The following PLXNA2 variants were observed in gnomAD, a reference collection of about 807,000 sequenced individuals.
PLXNA2 encodes the protein plexin-A2.
PLXNA2 carries 91 observed loss-of-function variants against 193.5 expected under a neutral mutation model. The observed-to-expected ratio is 0.47, with a 90% confidence interval of 0.40 to 0.56. PLXNA2 has a LOEUF of 0.56. Ranked by LOEUF, PLXNA2 falls within the 20% of genes least tolerant of loss-of-function variation. The pLI is 0.00. For synonymous variants in PLXNA2, 997 were observed against 1,027.3 expected, an observed-to-expected ratio of 0.97 and a Z score of 0.56; for missense variants, 1,995 against 2,503.2, an observed-to-expected ratio of 0.80 and a Z score of 4.33.
At chr1:208,032,533 T>G (rs1664534857) in intron 28 of PLXNA2, among the ~76,000 whole-genome samples, 1 of 152,238 alleles carries the variant, frequency 6.6e-6, no homozygotes, top group Non-Finnish European at 1.5e-5. Context: ...GTAAGTTGGA[T>G]GCCACTGTAT....
intron 3 of PLXNA2, among the ~76,000 whole-genome samples, chr1:208,167,727 G>A (rs754916253): frequency 1.8e-4 from 27 of 152,210 alleles, no homozygotes; most frequent in Non-Finnish European, 2.9e-4. Context: ...GCAGCAGCCC[G>A]CACGTGGTGC....
In PLXNA2 at chr1:208,023,921, G is replaced by T. The variant is rs530042208; in HGVS notation, c.*3322C>A. ...TCCATGCTTTTAATGACTGAACTCT[G>T]TAAAGAGGGGAACCCTCTGCCAATG... On this transcript the variant is annotated 3_prime_UTR_variant, in exon 32 of 32. Coordinates refer to ENST00000367033, the MANE Select transcript of PLXNA2 (RefSeq NM_025179.4). 3.3e-5 allele frequency: 5 copies of T among 152,370 alleles called. No homozygotes were observed. The highest frequency in any genetic ancestry group is 1.2e-4 in the African/African-American group (5 of 41,562). 9.4% of individuals were successfully genotyped at this position (152,370 alleles called of 1,614,324 possible).
intron 22 of PLXNA2, 84 bp from the exon 23 acceptor site, chr1:208,040,142 A>G (rs1294645839): frequency 1.4e-5 from 16 of 1,108,216 alleles, no homozygotes; most frequent in Non-Finnish European, 2.1e-5. Flanking sequence ...AGGTCTCCCA[A>G]GAGAACAATG....
At chr1:208,157,967 A>G (rs1271320631) in intron 3 of PLXNA2, among the ~76,000 whole-genome samples, 1 of 152,194 alleles carries the variant, frequency 6.6e-6, no homozygotes, top group African/African-American at 2.4e-5. Context: ...CAAGCTTTCC[A>G]CACCATCCTT....
At chr1:208,059,494 G>A (rs923721706) in intron 13 of PLXNA2, among the ~76,000 whole-genome samples, 4 of 152,180 alleles carry the variant, frequency 2.6e-5, no homozygotes, top group Non-Finnish European at 4.4e-5. Context: ...TGGGCCCTGC[G>A]AGAATCACGG....
intron 3 of PLXNA2, among the ~76,000 whole-genome samples, chr1:208,181,727 G>A (rs1022435572): frequency 3.3e-5 from 5 of 152,212 alleles, no homozygotes; most frequent in East Asian, 1.9e-4. Flanking sequence ...AGACCAGGCC[G>A]TTGTGGGCCC....
At chr1:208,233,680 G>A (rs2102641814) in intron 1 of PLXNA2, among the ~76,000 whole-genome samples, 1 of 152,370 alleles carries the variant, frequency 6.6e-6, no homozygotes, top group African/African-American at 2.4e-5. Context: ...GGAGCTCTCT[G>A]CGCCTCCCAG....
chr1:208,223,313 A>G (rs975683035), intron 1 of PLXNA2, among the ~76,000 whole-genome samples: 2 of 152,102 alleles, frequency 1.3e-5, no homozygotes, highest in African/African-American at 4.8e-5. Flanking sequence ...AGTGAGTCAG[A>G]AACAGGCTGC....
At chr1:208,078,722 T>C (rs1302460637) in intron 12 of PLXNA2, among the ~76,000 whole-genome samples, 4 of 152,182 alleles carry the variant, frequency 2.6e-5, no homozygotes, top group Admixed American at 2.6e-4. Flanking sequence ...CATCATTTTT[T>C]CCCCAGGATA....
intron 3 of PLXNA2, among the ~76,000 whole-genome samples, chr1:208,165,027 T>G (rs374689161): frequency 1.3e-5 from 2 of 152,216 alleles, no homozygotes; most frequent in African/African-American, 4.8e-5. Context: ...GCTTCTCTTG[T>G]GCCCCCTGTT....
chr1:208,158,706 G>A (rs935054400), intron 3 of PLXNA2, among the ~76,000 whole-genome samples: 4 of 152,236 alleles, frequency 2.6e-5, no homozygotes, highest in African/African-American at 9.6e-5. Context: ...GAGGGATTTT[G>A]GACAGAAAGA....
intron 9 of PLXNA2, among the ~76,000 whole-genome samples, chr1:208,088,827 C>T (rs935370388): frequency 6.6e-6 from 1 of 152,138 alleles, no homozygotes; most frequent in Non-Finnish European, 1.5e-5. Context: ...AATATTACCG[C>T]CTATTTGTGG....
At chr1:208,092,256 A>G (rs2102402896) in intron 9 of PLXNA2, among the ~76,000 whole-genome samples, 1 of 152,386 alleles carries the variant, frequency 6.6e-6, no homozygotes, top group Non-Finnish European at 1.5e-5. Context: ...CAGGACTTTT[A>G]GCAATGCCTG....
chr1:208,045,742 T>G (rs916872766), intron 18 of PLXNA2, 136 bp downstream of exon 18: 4 of 1,064,098 alleles, frequency 3.8e-6, no homozygotes, highest in East Asian at 2.4e-5. Flanking sequence ...GAGCTCCTTC[T>G]GTAGGAAGGA....
At chr1:208,170,338 A>G (rs1669455973) in intron 3 of PLXNA2, among the ~76,000 whole-genome samples, 1 of 152,260 alleles carries the variant, frequency 6.6e-6, no homozygotes, top group African/African-American at 2.4e-5. Context: ...GCCTTGAAGC[A>G]GTCATTTGTG....
intron 4 of PLXNA2, among the ~76,000 whole-genome samples, chr1:208,106,879 T>C (rs1008848558): frequency 3.3e-5 from 5 of 152,160 alleles, no homozygotes; most frequent in Non-Finnish European, 7.3e-5. Context: ...GTGAAGAATA[T>C]TTAGACAGAT....
intron 1 of PLXNA2, among the ~76,000 whole-genome samples, chr1:208,223,498 G>C (rs542725337): frequency 2.6e-5 from 4 of 152,300 alleles, no homozygotes; most frequent in South Asian, 2.1e-4. Flanking sequence ...CCTGGACAAC[G>C]AGGTGGTGCT....
At chr1:208,128,199 T>C (rs1338844490) in intron 4 of PLXNA2, among the ~76,000 whole-genome samples, 1 of 152,174 alleles carries the variant, frequency 6.6e-6, no homozygotes, top group Non-Finnish European at 1.5e-5. Context: ...AACTGGCAAA[T>C]GAGCCTCCAC....
At chr1:208,094,672 G>T (rs1666824213) in intron 8 of PLXNA2, among the ~76,000 whole-genome samples, 1 of 152,174 alleles carries the variant, frequency 6.6e-6, no homozygotes, top group South Asian at 2.1e-4. Flanking sequence ...TGGTTAGAGG[G>T]CAGCTTTGTC....
Sources: allele counts gnomAD v4.1 joint callset (sites outside exome capture counted in the v4.1 genomes callset), GRCh38; gene constraint gnomAD v4.1.1; transcripts MANE v1.5; gene names NCBI Gene and HGNC (gene_info 2026-07-23, HGNC 2026-07-21).